Variants in CCAR1 observed in about 807,000 individuals in gnomAD.
The protein encoded by CCAR1 is cell division cycle and apoptosis regulator protein 1.
Under a neutral mutation model 163.8 loss-of-function variants are expected in CCAR1, and 78 were observed. The ratio of observed to expected loss-of-function variants is 0.48; its 90% CI spans 0.40 to 0.57. The LOEUF (loss-of-function observed/expected upper bound fraction) is 0.57. Ranked by LOEUF, CCAR1 falls within the 20% of genes least tolerant of loss-of-function variation. The probability of loss-of-function intolerance (pLI) is 0.00; values close to 1 mark genes in which losing one functional copy is unlikely to be tolerated. For missense variants in CCAR1, 1,019 were observed against 1,365.2 expected, an observed-to-expected ratio of 0.75 and a Z score of 4.00; for synonymous variants, 443 against 460.7, an observed-to-expected ratio of 0.96 and a Z score of 0.49.
At chr10:68,757,401 T>A (rs756152794) in intron 15 of CCAR1, 24 bp downstream of exon 15, 1 of 1,302,728 alleles carries the variant, frequency 7.7e-7, no homozygotes, top group Non-Finnish European at 1.1e-6. Context: ...GGATGGATTT[T>A]ATTTATTTTT....
In CCAR1 at chr10:68,749,173, G is replaced by A. The variant is rs754884606; in HGVS notation, c.864G>A (p.Gln288=). ...AGCCTCCTGTTCGTATAGTTTCACA[G>A]CCACAACCGGCACGACGATTAGATC... The part of the protein sequence containing the change: ...LLQPPVRIVS[Q]PQPARRLDPP... Residue 288 remains glutamine, a synonymous_variant, in exon 9 of 25, where the codon CAG becomes CAA. Transcript: ENST00000265872. 59 of 1,613,730 alleles carry A rather than the reference G, an allele frequency of 3.7e-5. No homozygotes were observed. Among genetic ancestry groups the A allele is most frequent in the Non-Finnish European group, 4.9e-5 (58 of 1,179,950 alleles).
intron 16 of CCAR1, among the ~76,000 whole-genome samples, chr10:68,761,844 C>G (rs906827542): frequency 6.6e-6 from 1 of 151,874 alleles, no homozygotes; most frequent in Non-Finnish European, 1.5e-5. Flanking sequence ...TCAGGTGATC[C>G]GCTTACCTCA....
At chr10:68,724,922 TG>T (rs1414506679) in intron 2 of CCAR1, among the ~76,000 whole-genome samples, 2 of 152,170 alleles carry the variant, frequency 1.3e-5, no homozygotes, top group African/African-American at 2.4e-5. Flanking sequence ...GCAGATCACC[TG>T]AGGTTGGGAG....
chr10:68,790,969 A>G (rs890293913), intron 24 of CCAR1, among the ~76,000 whole-genome samples: 1 of 149,976 alleles, frequency 6.7e-6, no homozygotes, highest in Non-Finnish European at 1.5e-5. Context: ...GAGTGCTGAG[A>G]TTACAGTCAT....
Position 68,722,466 on chromosome 10 carries a change from A to G in CCAR1, c.-39A>G. On this transcript the variant is annotated 5_prime_UTR_variant, in exon 2 of 25. The change creates a new upstream start codon in the 5' untranslated region. Transcript: ENST00000265872. ...CCTTTTCTTGATAGATCGATGCTAT[A>G]GAAGACAAACAAGGGAAGGTTTTTT... The G allele has an allele frequency of 6.5e-7, 1 of 1,527,140 alleles. No individual in the cohort carries two copies. Among genetic ancestry groups the G allele is most frequent in the Non-Finnish European group, 9.1e-7 (1 of 1,100,684 alleles). 94.6% of individuals were successfully genotyped at this position (1,527,140 alleles called of 1,614,324 possible). A position where few individuals can be genotyped will look rare whatever the true frequency, so the allele number is the denominator to read the frequency against.
At chr10:68,782,421 G>GT (rs1177658364) in intron 19 of CCAR1, among the ~76,000 whole-genome samples, 136 of 151,220 alleles carry the variant, frequency 9.0e-4, no homozygotes, top group African/African-American at 3.2e-3. Flanking sequence ...TTGGGGGCGG[G>GT]TAAAAAAAAA....
intron 10 of CCAR1, among the ~76,000 whole-genome samples, 179 bp downstream of exon 10, chr10:68,749,864 C>A (rs1445731705): frequency 3.3e-5 from 5 of 152,112 alleles, no homozygotes; most frequent in Non-Finnish European, 7.4e-5. Flanking sequence ...TATTTTTATA[C>A]CCCCATGAAG....
chr10:68,733,732 G>A (rs1403209833), intron 2 of CCAR1, among the ~76,000 whole-genome samples: 6 of 151,898 alleles, frequency 4.0e-5, no homozygotes, highest in African/African-American at 1.5e-4. Context: ...GTGCAGTGGC[G>A]CGACCTTGGC....
chr10:68,744,828 TAACTC>T (rs2056230821), intron 6 of CCAR1, among the ~76,000 whole-genome samples: 1 of 151,502 alleles, frequency 6.6e-6, no homozygotes. Context: ...TATATCTACT[TAACTC>T]TTTTTTTTTT....
In CCAR1 at chr10:68,747,520, A is replaced by G. The variant is rs1308842210; in HGVS notation, c.780A>G (p.Leu260=). The G allele has an allele frequency of 1.2e-5, 20 of 1,614,008 alleles. No individual in the cohort carries two copies. The highest frequency in any genetic ancestry group is 1.5e-5 in the Non-Finnish European group (18 of 1,180,008). The change falls in exon 8 of 25, where the codon CTA becomes CTG. Residue 260 remains leucine, a synonymous_variant. Transcript: ENST00000265872. ...TTTCAGCAGCTTCTATTACACCACT[A>G]TTGCAGACTCAACCACAGCCCTTAT... The part of the protein sequence containing the change: ...AQISAASITP[L]LQTQPQPLLQ...
At chr10:68,730,718 G>A (rs558003608) in intron 2 of CCAR1, among the ~76,000 whole-genome samples, 110 of 152,128 alleles carry the variant, frequency 7.2e-4, no homozygotes, top group Admixed American at 1.8e-3. Flanking sequence ...TTGAGACAGG[G>A]CCTCACTTTG....
intron 10 of CCAR1, among the ~76,000 whole-genome samples, chr10:68,750,248 C>T (rs2056314802): frequency 7.0e-6 from 1 of 143,660 alleles, no homozygotes. Context: ...TAGGGTCTTA[C>T]TCTTTCACCC....
intron 3 of CCAR1, 123 bp from the exon 4 acceptor site, chr10:68,737,722 C>A: frequency 2.2e-6 from 1 of 457,324 alleles, no homozygotes; most frequent in South Asian, 4.6e-5. Context: ...GAATCAATGC[C>A]ACACCAGAAC....
intron 2 of CCAR1, among the ~76,000 whole-genome samples, chr10:68,727,046 A>G (rs1467162864): frequency 6.7e-6 from 1 of 149,306 alleles, no homozygotes; most frequent in Admixed American, 6.8e-5. Flanking sequence ...TCAAAGCTGG[A>G]TCAGGCCTAA....
Position 68,789,981 on chromosome 10 carries a change from A to G in CCAR1, c.3393+66A>G, listed in dbSNP as rs980667467. On this transcript the variant is annotated intron_variant, in intron 24 of 24. Transcript: ENST00000265872. ...AATCTAACTCTGGTGTTTTTAATGT[A>G]TTTTAATGTTATTAAGCTCTTAGTG... 19 of 995,836 alleles carry G rather than the reference A, an allele frequency of 1.9e-5. No homozygotes were observed. The East Asian group carries it at 3.8e-4, about 20-fold the overall frequency. The allele number at this position is 995,836 out of a possible 1,614,324, so 61.7% of individuals were successfully genotyped here. A position where few individuals can be genotyped will look rare whatever the true frequency, so the allele number is the denominator to read the frequency against.
chr10:68,778,976 G>A (rs988594597), intron 19 of CCAR1, among the ~76,000 whole-genome samples: 6 of 152,134 alleles, frequency 3.9e-5, no homozygotes, highest in African/African-American at 1.4e-4. Flanking sequence ...TCAGCCTCCT[G>A]AGTAGCTGGG....
chr10:68,737,735 A>T (rs1383287425), intron 3 of CCAR1, 110 bp from the exon 4 acceptor site: 3 of 522,750 alleles, frequency 5.7e-6, no homozygotes, highest in Admixed American at 3.9e-5. Flanking sequence ...ACCAGAACAG[A>T]AAGTTTATGT....
intron 5 of CCAR1, 69 bp from the exon 6 acceptor site, chr10:68,742,307 A>G: frequency 7.9e-7 from 1 of 1,264,370 alleles, no homozygotes; most frequent in Non-Finnish European, 1.1e-6. Flanking sequence ...GTTAGTTTTA[A>G]GTAGTCATAT....
chr10:68,762,095 C>T (rs1051005971), intron 16 of CCAR1, among the ~76,000 whole-genome samples: 64 of 151,626 alleles, frequency 4.2e-4, no homozygotes, highest in Non-Finnish European at 6.5e-4. Flanking sequence ...TTTGGGAGGC[C>T]GAGGTGGGCG....
Sources: allele counts gnomAD v4.1 joint callset (sites outside exome capture counted in the v4.1 genomes callset), GRCh38; gene constraint gnomAD v4.1.1; transcripts MANE v1.5; gene names NCBI Gene and HGNC (gene_info 2026-07-23, HGNC 2026-07-21).